NTM: variants seen among roughly 807,000 people sequenced by gnomAD.
The protein encoded by NTM is IgLON family member 2.
In NTM, 13 loss-of-function variants were observed where a neutral mutation model predicts 42.1. The ratio of observed to expected loss-of-function variants is 0.31; its 90% confidence interval spans 0.20 to 0.49. The LOEUF (loss-of-function observed/expected upper bound fraction) is 0.49. NTM is among the 20% of genes least tolerant of loss of function. NTM has a pLI of 0.99. For synonymous variants in NTM, 187 were observed against 179.2 expected, an observed-to-expected ratio of 1.04 and a Z score of -0.35; for missense variants, 373 against 452.8, an observed-to-expected ratio of 0.82 and a Z score of 1.60.
At chr11:132,287,570 A>G (rs1326316536) in intron 4 of NTM, among the ~76,000 whole-genome samples, 1 of 152,176 alleles carries the variant, frequency 6.6e-6, no homozygotes, top group African/African-American at 2.4e-5. Context: ...GGCTGGAGAA[A>G]AGGATCAGAG....
At chr11:131,606,048 G>T (rs2060926273) in intron 1 of NTM, 2 of 225,090 alleles carry the variant, frequency 8.9e-6, no homozygotes, top group Non-Finnish European at 7.4e-6. Context: ...TTTTTTGTTT[G>T]TTTGTTTGTT....
intron 1 of NTM, among the ~76,000 whole-genome samples, chr11:131,692,212 TGCCACC>T (rs2074861507): frequency 6.7e-6 from 1 of 148,940 alleles, no homozygotes; most frequent in African/African-American, 2.6e-5. Context: ...CTACAAGAGG[TGCCACC>T]TCCCATGCAG....
chr11:131,549,685 G>T (rs902165220), intron 1 of NTM, among the ~76,000 whole-genome samples: 1 of 152,144 alleles, frequency 6.6e-6, no homozygotes, highest in African/African-American at 2.4e-5. Context: ...AGGTGTCTTC[G>T]ATCCTCAGAA....
intron 1 of NTM, among the ~76,000 whole-genome samples, chr11:131,699,968 A>G (rs2658823): frequency 0.15 from 20,404 of 136,662 alleles, 1,719 homozygotes; most frequent in Middle Eastern, 0.25. Flanking sequence ...GTGTGTATTC[A>G]GTATCTTGAA....
intron 2 of NTM, among the ~76,000 whole-genome samples, chr11:132,118,948 G>A (rs1165346100): frequency 6.6e-6 from 1 of 152,092 alleles, no homozygotes; most frequent in Non-Finnish European, 1.5e-5. Context: ...CTGGGAGGGG[G>A]AGGAGTAGAG....
chr11:131,947,841 C>T (rs146721549), intron 2 of NTM, among the ~76,000 whole-genome samples: 51 of 152,216 alleles, frequency 3.4e-4, no homozygotes, highest in African/African-American at 1.2e-3. Context: ...TGAATGTTTC[C>T]TCCTGAGATT....
intron 2 of NTM, among the ~76,000 whole-genome samples, chr11:132,011,830 T>C (rs1385462597): frequency 6.6e-6 from 1 of 152,154 alleles, no homozygotes; most frequent in African/African-American, 2.4e-5. Flanking sequence ...CTGTGCATGC[T>C]CATTCCTAAG....
At chr11:132,014,988 T>G (rs923355103) in intron 2 of NTM, among the ~76,000 whole-genome samples, 4 of 151,946 alleles carry the variant, frequency 2.6e-5, no homozygotes, top group Non-Finnish European at 5.9e-5. Flanking sequence ...CTGGAGTGTT[T>G]CCCCCATGTT....
intron 4 of NTM, among the ~76,000 whole-genome samples, chr11:132,292,075 A>G (rs965506471): frequency 7.2e-5 from 11 of 152,216 alleles, no homozygotes; most frequent in African/African-American, 2.7e-4. Flanking sequence ...GATCCAGTAC[A>G]GCAAAAGCAG....
In NTM at chr11:132,187,301, A is replaced by C. The variant is rs1254072690; in HGVS notation, c.401-24721A>C. ...CTGAAAAAACAAGATGAGACCTAGAAGTATGTTCAGCAACACCATATCTGG... is the reference window on the plus strand; with the variant it reads ...CTGAAAAAACAAGATGAGACCTAGACGTATGTTCAGCAACACCATATCTGG... On this transcript the variant is annotated intron_variant, in intron 3 of 8. Coordinates refer to ENST00000683400, the MANE Select transcript of NTM (RefSeq NM_001352005.2). Among the ~76,000 whole-genome samples, 3 of 151,732 alleles carry C rather than the reference A, an allele frequency of 2.0e-5. No individual in the cohort carries two copies. The East Asian group carries it at 5.8e-4, about 29-fold the overall frequency.
intron 2 of NTM, among the ~76,000 whole-genome samples, chr11:132,052,773 C>CTG (rs5795753): frequency 0.081 from 12,023 of 148,100 alleles, 540 homozygotes; most frequent in Admixed American, 0.12. Flanking sequence ...TCCAGGCTCA[C>CTG]TGTGTGTGTG....
At chr11:132,173,491 T>C (rs2076372083) in intron 3 of NTM, among the ~76,000 whole-genome samples, 1 of 152,252 alleles carries the variant, frequency 6.6e-6, no homozygotes, top group African/African-American at 2.4e-5. Context: ...TTGCTGCCAC[T>C]ATTCTTGTTA....
rs115810884 is a variant in NTM at position 131,716,889 on chromosome 11, G to T, written c.83-194675G>T. 3.2e-3 allele frequency among the ~76,000 whole-genome samples: 486 copies of T among 152,216 alleles called. 3 individuals carry two copies. Among genetic ancestry groups the T allele is most frequent in the African/African-American group, 0.011 (449 of 41,522 alleles). ...GGAGTCTCATTATGTCACCTAGTCT[G>T]CAGTGCAGTGGCACAATCATAGCTC... On this transcript the variant is annotated intron_variant, in intron 1 of 8. Transcript: ENST00000683400.
intron 2 of NTM, chr11:131,984,405 G>A (rs1395064544): frequency 6.6e-6 from 1 of 152,218 alleles, no homozygotes; most frequent in Non-Finnish European, 1.5e-5. Context: ...ACTGGTTCAT[G>A]GGTGATATTT....
At chr11:132,100,921 A>G (rs1180772211) in intron 2 of NTM, among the ~76,000 whole-genome samples, 1 of 152,244 alleles carries the variant, frequency 6.6e-6, no homozygotes, top group Non-Finnish European at 1.5e-5. Context: ...AGCTTTTTCC[A>G]TTCAGTTATC....
At chr11:131,788,631 C>T (rs894883648) in intron 1 of NTM, among the ~76,000 whole-genome samples, 7 of 152,068 alleles carry the variant, frequency 4.6e-5, no homozygotes, top group African/African-American at 1.4e-4. Context: ...TGACTTTCAC[C>T]CATCAAAATG....
chr11:131,572,107 G>T (rs190020825), intron 1 of NTM, among the ~76,000 whole-genome samples: 74 of 152,308 alleles, frequency 4.9e-4, no homozygotes, highest in African/African-American at 1.7e-3. Flanking sequence ...GTGCTTGGCT[G>T]GTGGGTCAGT....
chr11:131,793,855 G>C (rs2091249865), intron 1 of NTM, among the ~76,000 whole-genome samples: 1 of 152,194 alleles, frequency 6.6e-6, no homozygotes. Flanking sequence ...TCCAGCTGCT[G>C]TGCTGGGCTC....
chr11:131,978,754 C>T (rs1314414904), intron 2 of NTM, among the ~76,000 whole-genome samples: 1 of 152,196 alleles, frequency 6.6e-6, no homozygotes, highest in Non-Finnish European at 1.5e-5. Flanking sequence ...ATATTGCTTG[C>T]ACAACCCAGA....
Sources: allele counts gnomAD v4.1 joint callset (sites outside exome capture counted in the v4.1 genomes callset), GRCh38; gene constraint gnomAD v4.1.1; transcripts MANE v1.5; gene names NCBI Gene and HGNC (gene_info 2026-07-23, HGNC 2026-07-21).